The following DRC10 variants were observed in gnomAD, a reference collection of about 807,000 sequenced individuals.
DRC10 encodes the protein dynein regulatory complex subunit 10.
chr12:113,196,232 G>C, the DRC10 span, among the ~76,000 whole-genome samples: 2 of 152,144 alleles, frequency 1.3e-5, no homozygotes, highest in Admixed American at 6.5e-5. Flanking sequence ...CGATTCCGAA[G>C]CCAGGGGCTG....
At chr12:113,214,527 A>G in the DRC10 span, among the ~76,000 whole-genome samples, 8 of 151,518 alleles carry the variant, frequency 5.3e-5, no homozygotes, top group African/African-American at 1.7e-4. Context: ...AAAAAAAAAA[A>G]AGAGAAAAAA....
At chr12:113,208,434 G>C in the DRC10 span, 1 of 1,110,866 alleles carries the variant, frequency 9.0e-7, no homozygotes, top group Non-Finnish European at 1.2e-6. Flanking sequence ...AGGGCCACAA[G>C]GGCAGGAAGA....
the DRC10 span, among the ~76,000 whole-genome samples, chr12:113,208,696 G>C: frequency 6.6e-6 from 1 of 152,146 alleles, no homozygotes; most frequent in Non-Finnish European, 1.5e-5. Context: ...AGAGGAGCTA[G>C]AGACATTGCC....
chr12:113,200,367 G>A, the DRC10 span: 1 of 690,222 alleles, frequency 1.4e-6, no homozygotes, highest in South Asian at 1.5e-5. Context: ...CCCCAGGCCT[G>A]TGTGCTGCCC....
the DRC10 span, chr12:113,207,073 A>T: frequency 2.8e-6 from 1 of 357,676 alleles, no homozygotes; most frequent in Non-Finnish European, 5.4e-6. Context: ...AAAATCAGTC[A>T]ATCAATTGGC....
chr12:113,206,708 T>A, the DRC10 span, among the ~76,000 whole-genome samples: 1 of 150,816 alleles, frequency 6.6e-6, no homozygotes, highest in African/African-American at 2.4e-5. Flanking sequence ...TGAATCAAGA[T>A]GTTGCCACTG....
At chr12:113,200,127 A>G in the DRC10 span, 1 of 331,728 alleles carries the variant, frequency 3.0e-6, no homozygotes, top group Non-Finnish European at 6.0e-6. Context: ...TGTAACAACC[A>G]TTAAGACCAA....
At chr12:113,214,249 C>T in the DRC10 span, among the ~76,000 whole-genome samples, 1 of 152,042 alleles carries the variant, frequency 6.6e-6, no homozygotes, top group Admixed American at 6.6e-5. Context: ...TGGCTCACAC[C>T]TGTAATTCCA....
chr12:113,209,601 A>G, the DRC10 span, among the ~76,000 whole-genome samples: 23 of 151,956 alleles, frequency 1.5e-4, no homozygotes, highest in Non-Finnish European at 3.1e-4. Context: ...GCCCAGACTG[A>G]TCTTGAACTC....
the DRC10 span, chr12:113,196,036 C>T: frequency 8.0e-7 from 1 of 1,252,946 alleles, no homozygotes; most frequent in African/African-American, 1.5e-5. Flanking sequence ...GTCCCAGTGA[C>T]ATGGATGGGG....
chr12:113,200,116 A>G, the DRC10 span: 19 of 311,852 alleles, frequency 6.1e-5, no homozygotes, highest in South Asian at 4.9e-4. Context: ...TGTAATTCTC[A>G]TGTAACAACC....
the DRC10 span, among the ~76,000 whole-genome samples, chr12:113,205,672 G>A: frequency 3.3e-5 from 5 of 151,484 alleles, no homozygotes; most frequent in African/African-American, 7.3e-5. Context: ...GGTGGATCAT[G>A]AGGTCAGGAG....
At chr12:113,200,554 C>T in the DRC10 span, 2 of 1,454,278 alleles carry the variant, frequency 1.4e-6, no homozygotes, top group Non-Finnish European at 1.9e-6. Context: ...GCCCCCTCGG[C>T]CCATCCTCGC....
At chr12:113,208,484 G>T in the DRC10 span, 1 of 427,856 alleles carries the variant, frequency 2.3e-6, no homozygotes, top group Non-Finnish European at 3.6e-6. Flanking sequence ...GTCAGGCGGG[G>T]ACCAGCCAGG....
the DRC10 span, chr12:113,202,997 A>T: frequency 2.2e-6 from 1 of 451,346 alleles, no homozygotes. Flanking sequence ...GCAATATGAC[A>T]ATTATTATTA....
At chr12:113,218,124 G>GAA in the DRC10 span, among the ~76,000 whole-genome samples, 2 of 150,242 alleles carry the variant, frequency 1.3e-5, no homozygotes, top group African/African-American at 4.9e-5. Context: ...AGCTGAGGTT[G>GAA]AAAAACCCTG....
chr12:113,210,081 A>G, the DRC10 span, among the ~76,000 whole-genome samples: 1 of 152,258 alleles, frequency 6.6e-6, no homozygotes, highest in African/African-American at 2.4e-5. Context: ...GGTTGCAGTA[A>G]GCCAAGTTTG....
At chr12:113,201,559 G>A in the DRC10 span, among the ~76,000 whole-genome samples, 1 of 152,240 alleles carries the variant, frequency 6.6e-6, no homozygotes, top group South Asian at 2.1e-4. Context: ...GATGAACACA[G>A]GCTGCAGGGA....
At chr12:113,218,099 C>T in the DRC10 span, among the ~76,000 whole-genome samples, 1 of 151,946 alleles carries the variant, frequency 6.6e-6, no homozygotes, top group Admixed American at 6.6e-5. Context: ...ATTTTCTCAC[C>T]CAAAACATCA....
Sources: gnomAD v4.1 joint callset for allele counts (sites outside exome capture counted in the v4.1 genomes callset) on GRCh38, gnomAD v4.1.1 for gene constraint, MANE v1.5 for transcripts, NCBI Gene and HGNC (gene_info 2026-07-23, HGNC 2026-07-21) for gene names.